The following ABCB5 variants were observed in gnomAD, a reference collection of about 807,000 sequenced individuals.
The protein encoded by ABCB5 is ATP binding cassette subfamily B member 5.
A neutral mutation model predicts 144.2 loss-of-function variants in ABCB5; 155 were observed. The ratio of observed to expected loss-of-function variants is 1.08; its 90% CI spans 0.94 to 1.23. The LOEUF (loss-of-function observed/expected upper bound fraction) is 1.23, where lower values mean the gene tolerates loss of function less well. Among genes scored for constraint, ABCB5 ranks in the 50% most tolerant of loss-of-function variants. The pLI is 0.00. For missense variants in ABCB5, 1,830 were observed against 1,520.8 expected (o/e 1.20, Z -3.38); for synonymous variants, 610 against 528.6 (o/e 1.15, Z -2.11).
chr7:20,616,682 T>C (rs79217266), intron 1 of ABCB5, among the ~76,000 whole-genome samples: 8,559 of 152,304 alleles, frequency 0.056, 343 homozygotes, highest in South Asian at 0.14. Flanking sequence ...TTCTCTCATG[T>C]TATCTACTTA....
chr7:20,755,478 G>A lies in ABCB5; in HGVS notation c.3628G>A (p.Val1210Ile). The A allele has an allele frequency of 6.2e-7, 1 of 1,614,174 alleles. No homozygotes were observed. Among genetic ancestry groups the A allele is most frequent in the African/African-American group, 1.3e-5 (1 of 75,052 alleles). The change falls in exon 28 of 28, where the codon GTC becomes ATC. Residue 1210 changes from valine (V) to isoleucine (I), a missense_variant. Val to Ile is a conservative substitution (Grantham distance 29). Coordinates refer to ENST00000404938, the MANE Select transcript of ABCB5 (RefSeq NM_001163941.2). Reference sequence around the variant, plus strand: ...CAGGACGGGAAGGACATGCCTAGTGGTCACTCACAGGCTCTCTGCAATTCA... The same window carrying A: ...CAGGACGGGAAGGACATGCCTAGTGATCACTCACAGGCTCTCTGCAATTCA... Reference protein sequence around the residue: ...KARTGRTCLVVTHRLSAIQNA... With the variant: ...KARTGRTCLVITHRLSAIQNA...
intron 26 of ABCB5, among the ~76,000 whole-genome samples, chr7:20,748,117 C>T (rs1782787240): frequency 6.6e-6 from 1 of 152,132 alleles, no homozygotes; most frequent in Non-Finnish European, 1.5e-5. Flanking sequence ...ATTCTTTGTG[C>T]TATCCTGAAG....
chr7:20,661,462 G>T (rs74809645), intron 14 of ABCB5, among the ~76,000 whole-genome samples: 16,138 of 151,930 alleles, frequency 0.11, 1,036 homozygotes, highest in South Asian at 0.18. Flanking sequence ...AGATATTGTT[G>T]GATGGACTTC....
chr7:20,690,204 A>G (rs1350077910), intron 16 of ABCB5, among the ~76,000 whole-genome samples: 1 of 152,234 alleles, frequency 6.6e-6, no homozygotes, highest in East Asian at 1.9e-4. Context: ...AACAAACTAC[A>G]ATAGTATTAC....
chr7:20,726,896 A>G, intron 21 of ABCB5, 144 bp from the exon 22 acceptor site: 1 of 468,662 alleles, frequency 2.1e-6, no homozygotes, highest in Non-Finnish European at 3.7e-6. Context: ...TCTGGGAGGA[A>G]AGGAAGCTAA....
At chr7:20,696,262 G>A (rs2158856) in intron 16 of ABCB5, among the ~76,000 whole-genome samples, 117,751 of 152,070 alleles carry the variant, frequency 0.77, 46,465 homozygotes, top group South Asian at 0.88. Context: ...GATTTATGCC[G>A]CAGCATGGAT....
intron 24 of ABCB5, among the ~76,000 whole-genome samples, chr7:20,740,584 A>T (rs1411471579): frequency 1.3e-5 from 2 of 152,156 alleles, no homozygotes; most frequent in African/African-American, 4.8e-5. Flanking sequence ...GGATGTAAGA[A>T]GCTTTTTTTT....
In ABCB5 at chr7:20,742,912, C is replaced by G. The variant is rs141810509; in HGVS notation, c.3060C>G (p.Val1020=). ...TCEGNLEFRE[V]SFFYPCRPDV... is the part of the protein sequence containing the mutation. ...AAGGGAATTTAGAGTTTCGAGAAGT[C>G]TCTTTCTTCTATCCATGTCGCCCAG... Residue 1020 remains valine, a synonymous_variant, in exon 25 of 28, where the codon GTC becomes GTG. Transcript: ENST00000404938. The G allele has an allele frequency of 3.0e-5, 48 of 1,614,078 alleles. No individual in the cohort carries two copies. Among genetic ancestry groups the G allele is most frequent in the Non-Finnish European group, 5.1e-6 (6 of 1,180,050 alleles).
intron 5 of ABCB5, among the ~76,000 whole-genome samples, chr7:20,636,374 G>T (rs539018122): frequency 9.0e-4 from 137 of 152,020 alleles, no homozygotes; most frequent in Admixed American, 1.8e-3. Context: ...AAGATGAAAA[G>T]ATATGTCTAT....
chr7:20,727,262 A>C (rs557648746), intron 22 of ABCB5, 122 bp downstream of exon 22: 30 of 576,470 alleles, frequency 5.2e-5, no homozygotes, highest in Non-Finnish European at 8.7e-5. Context: ...TAATAATGTC[A>C]TGTCATAATT....
chr7:20,681,072 CTTT>C (rs1785802016), intron 14 of ABCB5, among the ~76,000 whole-genome samples: 1 of 13,704 alleles, frequency 7.3e-5, no homozygotes, highest in Non-Finnish European at 1.2e-4. Flanking sequence ...TTCTTTCTTT[CTTT>C]CTTTCTTTCT....
Position 20,720,895 on chromosome 7 carries a change from G to A in ABCB5, c.2422-2121G>A, listed in dbSNP as rs575339877. 2.9e-4 allele frequency among the ~76,000 whole-genome samples: 38 copies of A among 129,698 alleles called. 1 individual carries two copies. Among genetic ancestry groups the A allele is most frequent in the African/African-American group, 1.1e-3 (37 of 34,448 alleles). The allele number at this position is 129,698 out of a possible 152,430, so 85.1% of individuals were successfully genotyped here. ...GGAGGCGGAGCTTGCAGTGAGTCGAGATCGCGCCACTGCACTCCAGCCTGG... is the reference window on the plus strand; with the variant it reads ...GGAGGCGGAGCTTGCAGTGAGTCGAAATCGCGCCACTGCACTCCAGCCTGG... On this transcript the variant is annotated intron_variant, in intron 20 of 27. Coordinates refer to ENST00000404938, the MANE Select transcript of ABCB5 (RefSeq NM_001163941.2).
intron 14 of ABCB5, among the ~76,000 whole-genome samples, chr7:20,677,061 T>A (rs1785639051): frequency 6.6e-6 from 1 of 152,230 alleles, no homozygotes; most frequent in Admixed American, 6.5e-5. Flanking sequence ...CATCATGATA[T>A]TTGTCAGATT....
chr7:20,705,348 C>G (rs17841821), intron 20 of ABCB5, among the ~76,000 whole-genome samples: 4,789 of 152,120 alleles, frequency 0.031, 254 homozygotes, highest in African/African-American at 0.11. Context: ...GATGGAATGA[C>G]CAGCATAATA....
chr7:20,700,858 G>A (rs1786596136), intron 19 of ABCB5, among the ~76,000 whole-genome samples: 1 of 152,194 alleles, frequency 6.6e-6, no homozygotes, highest in Non-Finnish European at 1.5e-5. Context: ...CACCAGGCAG[G>A]AGCAAATAGC....
chr7:20,704,713 C>T lies in ABCB5; in HGVS notation c.2338-11C>T, dbSNP rs1442329260. On this transcript the variant is annotated splice_polypyrimidine_tract_variant and intron_variant, in intron 19 of 27. Transcript: ENST00000404938. ...TTTTGACAACCATATGTTAATTCTC[C>T]TTTTCTCTAGGATATTGCCTGGTTT... 2 of 1,608,308 alleles carry T rather than the reference C, an allele frequency of 1.2e-6. No individual in the cohort carries two copies. Among genetic ancestry groups the T allele is most frequent in the African/African-American group, 2.7e-5 (2 of 74,732 alleles).
At position 20,700,092 on chromosome 7, in the gene ABCB5, C is replaced by A. The variant is rs141490175; in HGVS notation, c.2294C>A (p.Thr765Lys). 2.4e-5 allele frequency: 38 copies of A among 1,613,722 alleles called. No homozygotes were observed. The African/African-American group carries it at 3.3e-4, about 14-fold the overall frequency. Reference sequence around the variant, plus strand: ...TACGGCAGAGCAGGGGAAATTTTAACGATGAGATTAAGACACTTGGCCTTC... The same window carrying A: ...TACGGCAGAGCAGGGGAAATTTTAAAGATGAGATTAAGACACTTGGCCTTC... ...LFYGRAGEIL[T>K]MRLRHLAFKA... Residue 765 changes from threonine to lysine, a missense_variant, in exon 19 of 28, where the codon ACG (threonine) becomes AAG (lysine). Transcript: ENST00000404938.
intron 20 of ABCB5, among the ~76,000 whole-genome samples, chr7:20,709,162 G>T (rs1182799149): frequency 6.6e-6 from 1 of 150,796 alleles, no homozygotes; most frequent in Non-Finnish European, 1.5e-5. Flanking sequence ...TATAAGTTAC[G>T]CAGTCTGAAC....
At chr7:20,750,719 C>G (rs1023540) in intron 26 of ABCB5, among the ~76,000 whole-genome samples, 58,481 of 151,808 alleles carry the variant, frequency 0.39, 11,792 homozygotes, top group African/African-American at 0.51. Flanking sequence ...ATAACTCCAA[C>G]GGTTTCGGTA....
Sources: allele counts gnomAD v4.1 joint callset (sites outside exome capture counted in the v4.1 genomes callset), GRCh38; gene constraint gnomAD v4.1.1; transcripts MANE v1.5; gene names NCBI Gene and HGNC (gene_info 2026-07-23, HGNC 2026-07-21).